The following ZNF264 variants were observed in gnomAD, a reference collection of about 807,000 sequenced individuals.
The protein encoded by ZNF264 is zinc finger protein 264.
A neutral mutation model predicts 11.2 loss-of-function variants in ZNF264; 11 were observed. That is an observed-to-expected ratio of 0.98 (90% CI 0.62 to 1.63). The LOEUF (loss-of-function observed/expected upper bound fraction) is 1.63. Among genes scored for constraint, ZNF264 ranks in the 40% most tolerant of loss-of-function variants. ZNF264 has a pLI of 0.00. For synonymous variants in ZNF264, 309 were observed against 279.8 expected (o/e 1.10, Z -1.04); for missense variants, 752 against 768.1 (o/e 0.98, Z 0.25).
At chr19:57,192,232 G>A (rs1169921881) in intron 1 of ZNF264, 1 of 616,870 alleles carries the variant, frequency 1.6e-6, no homozygotes, top group Non-Finnish European at 2.0e-6. Flanking sequence ...AGCATGAATT[G>A]GGGGCCTGAG....
Position 57,219,340 on chromosome 19 carries a change from T to C in ZNF264, c.*6359T>C, listed in dbSNP as rs1298558964. 2 of 152,154 alleles carry C rather than the reference T, an allele frequency of 1.3e-5. No homozygotes were observed. Among genetic ancestry groups the C allele is most frequent in the Admixed American group, 6.5e-5 (1 of 15,274 alleles). 9.4% of individuals were successfully genotyped at this position (152,154 alleles called of 1,614,324 possible). ...CTTTAACTTGTCTCTGATAACCAGATTTTTCCCCCATAATCTGTATCTGTA... is the reference window on the plus strand; with the variant it reads ...CTTTAACTTGTCTCTGATAACCAGACTTTTCCCCCATAATCTGTATCTGTA... On this transcript the variant is annotated 3_prime_UTR_variant, in exon 4 of 4. Transcript: ENST00000263095.
In ZNF264 at chr19:57,212,297, G is replaced by A; in HGVS notation, c.1200G>A (p.Glu400=). Residue 400 remains glutamate (E), a synonymous_variant, in exon 4 of 4, where the codon GAG becomes GAA. Coordinates refer to ENST00000263095, the MANE Select transcript of ZNF264 (RefSeq NM_003417.5). The part of the protein sequence containing the change: ...YVIHTGEKPF[E]CLECGKAFNH... ...TCCACACTGGAGAGAAGCCCTTTGA[G>A]TGCCTCGAGTGTGGGAAGGCTTTCA... 2 of 1,612,996 alleles carry A rather than the reference G, an allele frequency of 1.2e-6. No homozygotes were observed. Among genetic ancestry groups the A allele is most frequent in the Non-Finnish European group, 1.7e-6 (2 of 1,179,672 alleles).
chr19:57,191,995 G>T, intron 1 of ZNF264, 49 bp downstream of exon 1: 1 of 1,488,822 alleles, frequency 6.7e-7, no homozygotes. Flanking sequence ...CAGCGCTGAG[G>T]CGGTTTCCGA....
rs1293137046 is a variant in ZNF264 at position 57,212,868 on chromosome 19, G to T, written c.1771G>T (p.Gly591Trp). 2 of 1,614,188 alleles carry T rather than the reference G, an allele frequency of 1.2e-6. No individual in the cohort carries two copies. The highest frequency in any genetic ancestry group is 1.7e-6 in the Non-Finnish European group (2 of 1,180,034). ...AGTTACCCTTCGAGAACTTCTTTTA[G>T]GGAAGGACTTTTTGAATGTAACCAC... ...TSVTLRELLL[G>W]KDFLNVTTEA... is the part of the protein sequence containing the mutation. Residue 591 changes from glycine (G) to tryptophan (W), a missense_variant, in exon 4 of 4, where the codon GGG becomes TGG. Gly to Trp is a radical substitution (Grantham distance 184, BLOSUM62 -2). Coordinates refer to ENST00000263095, the MANE Select transcript of ZNF264 (RefSeq NM_003417.5).
In ZNF264 at chr19:57,205,583, A is replaced by T. The variant is rs1188260507; in HGVS notation, c.256+91A>T. On this transcript the variant is annotated intron_variant, in intron 3 of 3. Coordinates refer to ENST00000263095, the MANE Select transcript of ZNF264 (RefSeq NM_003417.5). ...CCTGGAATCTCTTGGGAAGCTTCTC[A>T]TTGTGGCCTCTCTCTATATAACTCT... 6.1e-6 allele frequency: 7 copies of T among 1,138,930 alleles called. No individual in the cohort carries two copies. In the African/African-American group the frequency reaches 1.1e-4, roughly 18 times the overall value. The allele number at this position is 1,138,930 out of a possible 1,614,324, so 70.6% of individuals were successfully genotyped here. A position where few individuals can be genotyped will look rare whatever the true frequency, so the allele number is the denominator to read the frequency against.
intron 2 of ZNF264, among the ~76,000 whole-genome samples, chr19:57,200,018 A>AAG (rs113414595): frequency 0.81 from 122,502 of 150,532 alleles, 50,857 homozygotes; most frequent in African/African-American, 0.95. Flanking sequence ...AAAAAAAAGA[A>AAG]AAAATGATGA....
chr19:57,201,101 T>C (rs565826297), intron 2 of ZNF264, among the ~76,000 whole-genome samples: 32 of 151,964 alleles, frequency 2.1e-4, no homozygotes, highest in Non-Finnish European at 4.1e-4. Flanking sequence ...AAGATATTTA[T>C]ATATATAGTT....
chr19:57,210,076 C>T (rs10424131), intron 3 of ZNF264, among the ~76,000 whole-genome samples: 1 of 152,220 alleles, frequency 6.6e-6, no homozygotes, highest in East Asian at 1.9e-4. Flanking sequence ...TCACCCAGCT[C>T]GGAATCATGG....
chr19:57,203,996 C>T (rs760796130), intron 2 of ZNF264, among the ~76,000 whole-genome samples: 3 of 152,138 alleles, frequency 2.0e-5, no homozygotes, highest in Non-Finnish European at 4.4e-5. Flanking sequence ...ACCATCCTGG[C>T]TAACACAGTG....
intron 2 of ZNF264, chr19:57,195,033 GGAA>G: frequency 2.6e-6 from 1 of 378,886 alleles, no homozygotes. Flanking sequence ...ACACAGGATG[GGAA>G]GCCTTCAACA....
In ZNF264 at chr19:57,212,545, A is replaced by G. The variant is rs1411980599; in HGVS notation, c.1448A>G (p.Tyr483Cys). The G allele has an allele frequency of 4.3e-6, 7 of 1,613,980 alleles. No individual in the cohort carries two copies. The highest frequency in any genetic ancestry group is 4.0e-5 in the African/African-American group (3 of 74,978). ...AGCATCCACACTGGAGAGAAGCCCT[A>G]TGAGTGCGTGGAGTGTGGAAAGGCC... ...HFSIHTGEKP[Y>C]ECVECGKAFT... is the part of the protein sequence containing the mutation. The change falls in exon 4 of 4, where the codon TAT (tyrosine) becomes TGT (cysteine). Residue 483 changes from tyrosine (Y) to cysteine (C), a missense_variant. Coordinates refer to ENST00000263095, the MANE Select transcript of ZNF264 (RefSeq NM_003417.5).
rs776700254 is a variant in ZNF264 at position 57,212,348 on chromosome 19, C to G, written c.1251C>G (p.His417Gln). 1 of 1,613,156 alleles carries G rather than the reference C, an allele frequency of 6.2e-7. No individual in the cohort carries two copies. The highest frequency in any genetic ancestry group is 8.5e-7 in the Non-Finnish European group (1 of 1,179,762). ...AFNHRSYLKR[H>Q]QRIHTGEKPF... Reference sequence around the variant, plus strand: ...ACCACCGATCCTACCTCAAGAGGCACCAGCGGATTCACACTGGGGAGAAGC... The same window carrying G: ...ACCACCGATCCTACCTCAAGAGGCAGCAGCGGATTCACACTGGGGAGAAGC... The change falls in exon 4 of 4, where the codon CAC becomes CAG. Residue 417 changes from histidine (H) to glutamine (Q), a missense_variant. His to Gln is a conservative substitution (Grantham distance 24, BLOSUM62 0). Coordinates refer to ENST00000263095, the MANE Select transcript of ZNF264 (RefSeq NM_003417.5).
chr19:57,193,228 G>A (rs983906815), intron 1 of ZNF264, among the ~76,000 whole-genome samples: 3 of 152,262 alleles, frequency 2.0e-5, no homozygotes, highest in South Asian at 2.1e-4. Flanking sequence ...AATTGATAGC[G>A]CTTCCTTAGC....
chr19:57,205,488 T>A lies in ZNF264; in HGVS notation c.252T>A (p.Cys84Ter), dbSNP rs548256770. The A allele has an allele frequency of 5.0e-6, 8 of 1,608,292 alleles. 1 individual carries two copies. In the South Asian group the frequency reaches 8.9e-5, roughly 18 times the overall value. The stretch of plus-strand genomic sequence containing the variant: ...AGGAAGACCTCTCCCAAGACACCTG[T>A]CCAGGTAGGAGCCAAGATCTGGGCA... ...TRKEDLSQDTCPGDKGKPKTT... is the reference protein window; with the variant it reads ...TRKEDLSQDT Residue 84 changes from cysteine (C) to a stop codon, truncating the protein, a stop_gained, in exon 3 of 4, where the codon TGT becomes TGA. Transcript: ENST00000263095. LOFTEE classifies it low-confidence loss of function (END_TRUNC).
At chr19:57,198,814 G>A (rs927924210) in intron 2 of ZNF264, among the ~76,000 whole-genome samples, 1 of 151,910 alleles carries the variant, frequency 6.6e-6, no homozygotes, top group Non-Finnish European at 1.5e-5. Flanking sequence ...AAGGATGAGA[G>A]AAAGATTAAC....
In ZNF264 at chr19:57,213,060, C is replaced by G. The variant is rs1376255757; in HGVS notation, c.*79C>G. ...TTCGTTCAGTCTAGAGCCTTATTCT[C>G]CATCTGATAATTTATCCTGGAGAGA... On this transcript the variant is annotated 3_prime_UTR_variant, in exon 4 of 4. Coordinates refer to ENST00000263095, the MANE Select transcript of ZNF264 (RefSeq NM_003417.5). 5 of 1,383,454 alleles carry G rather than the reference C, an allele frequency of 3.6e-6. No individual in the cohort carries two copies. In the Admixed American group the frequency reaches 6.7e-5, roughly 19 times the overall value. The allele number at this position is 1,383,454 out of a possible 1,614,324, so 85.7% of individuals were successfully genotyped here.
intron 1 of ZNF264, chr19:57,192,534 T>G: frequency 1.0e-6 from 1 of 985,378 alleles, no homozygotes; most frequent in Non-Finnish European, 1.2e-6. Context: ...AGAGACAAGT[T>G]CTGTCGGAAC....
chr19:57,212,684 T>C lies in ZNF264; in HGVS notation c.1587T>C (p.His529=). 2 of 1,613,270 alleles carry C rather than the reference T, an allele frequency of 1.2e-6. No individual in the cohort carries two copies. The highest frequency in any genetic ancestry group is 2.2e-5 in the East Asian group (1 of 44,762). The change falls in exon 4 of 4, where the codon CAT becomes CAC. Residue 529 remains histidine (H), a synonymous_variant. Transcript: ENST00000263095. Reference sequence around the variant, plus strand: ...GCTGGAGCACAAACCTCATTCGACATGCCATTATCCACACTGGAGAGAAGC... The same window carrying C: ...GCTGGAGCACAAACCTCATTCGACACGCCATTATCCACACTGGAGAGAAGC... ...SFCWSTNLIR[H]AIIHTGEKPY... is the part of the protein sequence containing the mutation.
intron 2 of ZNF264, among the ~76,000 whole-genome samples, chr19:57,200,839 T>C (rs1196582448): frequency 6.6e-6 from 1 of 151,900 alleles, no homozygotes; most frequent in Non-Finnish European, 1.5e-5. Flanking sequence ...CTCGAACTCC[T>C]GAGCTGAAGT....
Sources: allele counts gnomAD v4.1 joint callset (sites outside exome capture counted in the v4.1 genomes callset), GRCh38; gene constraint gnomAD v4.1.1; transcripts MANE v1.5; gene names NCBI Gene and HGNC (gene_info 2026-07-23, HGNC 2026-07-21).